The following SYBU variants were observed in gnomAD, a reference collection of about 807,000 sequenced individuals.
SYBU encodes the protein GOLSYN A protein.
Under a neutral mutation model 35.9 loss-of-function variants are expected in SYBU, and 21 were observed. The observed-to-expected ratio is 0.58, with a 90% CI of 0.41 to 0.84. SYBU has a LOEUF of 0.84. Ranked by LOEUF, SYBU falls within the 40% of genes least tolerant of loss-of-function variation. The pLI, the probability that SYBU is intolerant of heterozygous loss-of-function variation, is 0.00. For missense variants in SYBU, 768 were observed against 848.2 expected (o/e 0.91, Z 1.17); for synonymous variants, 319 against 324.3 (o/e 0.98, Z 0.18).
intron 2 of SYBU, among the ~76,000 whole-genome samples, chr8:109,621,046 A>T (rs2844250): frequency 0.16 from 24,829 of 152,160 alleles, 2,244 homozygotes; most frequent in East Asian, 0.4. Flanking sequence ...AGTTCCATAA[A>T]TCACTTCTTT....
intron 2 of SYBU, among the ~76,000 whole-genome samples, chr8:109,639,824 A>G (rs1184967544): frequency 6.6e-6 from 1 of 152,198 alleles, no homozygotes; most frequent in Non-Finnish European, 1.5e-5. Context: ...CACTGCCTCC[A>G]GCGTTAACAC....
chr8:109,666,514 G>A (rs115383156), intron 1 of SYBU, among the ~76,000 whole-genome samples: 2,448 of 152,296 alleles, frequency 0.016, 69 homozygotes, highest in African/African-American at 0.057. Flanking sequence ...GCCAAGGCGG[G>A]AGGATCACTT....
chr8:109,634,768 G>A (rs1374917499), intron 2 of SYBU, among the ~76,000 whole-genome samples: 2 of 152,114 alleles, frequency 1.3e-5, no homozygotes, highest in Non-Finnish European at 2.9e-5. Context: ...CACCTAACCT[G>A]GACATTGAAA....
chr8:109,664,381 C>T (rs991557322), intron 1 of SYBU, among the ~76,000 whole-genome samples: 18 of 152,110 alleles, frequency 1.2e-4, no homozygotes, highest in Admixed American at 1.3e-4. Flanking sequence ...ATAAATGGAA[C>T]AAAAACAACA....
At chr8:109,576,057 A>C (rs775150568) in intron 6 of SYBU, 44 bp from the exon 7 acceptor site, 18 of 1,497,452 alleles carry the variant, frequency 1.2e-5, no homozygotes, top group African/African-American at 4.3e-5. Context: ...AAAAAAAAAA[A>C]AAAAAAAAAA....
At chr8:109,587,682 G>GA (rs1823784223) in intron 3 of SYBU, among the ~76,000 whole-genome samples, 1 of 152,104 alleles carries the variant, frequency 6.6e-6, no homozygotes, top group African/African-American at 2.4e-5. Context: ...GCAGAGAGAA[G>GA]AAAAAATCCT....
chr8:109,613,089 C>T (rs976042271), intron 3 of SYBU, among the ~76,000 whole-genome samples: 1 of 152,070 alleles, frequency 6.6e-6, no homozygotes, highest in Non-Finnish European at 1.5e-5. Context: ...TTTATATTTT[C>T]CCATCTCTGT....
At chr8:109,606,437 G>A (rs1031845921) in intron 3 of SYBU, among the ~76,000 whole-genome samples, 4 of 152,144 alleles carry the variant, frequency 2.6e-5, no homozygotes, top group African/African-American at 9.7e-5. Flanking sequence ...TTAGAGAAAA[G>A]AGTCAGATAT....
chr8:109,629,226 C>A (rs2130496783), intron 2 of SYBU, among the ~76,000 whole-genome samples: 1 of 152,292 alleles, frequency 6.6e-6, no homozygotes, highest in East Asian at 1.9e-4. Context: ...CATGAGATAA[C>A]AAAAATTTAG....
chr8:109,620,677 CG>C (rs1812311383), intron 2 of SYBU, among the ~76,000 whole-genome samples: 1 of 152,092 alleles, frequency 6.6e-6, no homozygotes. Context: ...CTGCAGTCTT[CG>C]GGCTCTTTTA....
intron 1 of SYBU, among the ~76,000 whole-genome samples, chr8:109,687,419 T>C (rs1468420048): frequency 6.6e-6 from 1 of 152,104 alleles, no homozygotes; most frequent in Non-Finnish European, 1.5e-5. Context: ...CTCATACAAA[T>C]AGAATTATGG....
chr8:109,661,124 T>C lies in SYBU; in HGVS notation c.-129+19587A>G, dbSNP rs575905798. ...AGGCTGAATAGATTTTGGACAGAAG[T>C]GTGTGCACCATACAGTGTGTAAATA... On this transcript the variant is annotated intron_variant, in intron 1 of 5. Coordinates refer to the SYBU transcript ENST00000408889. Among the ~76,000 whole-genome samples, 14 of 152,322 alleles carry C rather than the reference T, an allele frequency of 9.2e-5. No individual in the cohort carries two copies. In the East Asian group the frequency reaches 2.7e-3, roughly 29 times the overall value.
chr8:109,577,828 AGTT>A (rs1409376437), intron 6 of SYBU, 37 bp downstream of exon 6: 2 of 1,527,820 alleles, frequency 1.3e-6, no homozygotes, highest in East Asian at 2.3e-5. Flanking sequence ...TGGAGAAAGA[AGTT>A]GTCCTACACC....
At chr8:109,576,065 A>AAAC in intron 6 of SYBU, 52 bp from the exon 7 acceptor site, 1 of 1,464,968 alleles carries the variant, frequency 6.8e-7, no homozygotes, top group Non-Finnish European at 9.0e-7. Flanking sequence ...AAAAAAAAAA[A>AAAC]AAAAACTTTC....
chr8:109,597,322 T>A (rs1216134356), intron 3 of SYBU, among the ~76,000 whole-genome samples: 1 of 152,148 alleles, frequency 6.6e-6, no homozygotes, highest in Non-Finnish European at 1.5e-5. Context: ...GCCCAGAACT[T>A]GTTCCTAATT....
intron 1 of SYBU, among the ~76,000 whole-genome samples, chr8:109,678,434 C>CTTTTTTTTTTTTTTT: frequency 1.7e-5 from 1 of 58,362 alleles, no homozygotes; most frequent in Non-Finnish European, 3.2e-5. Flanking sequence ...TTCAAATAAC[C>CTTTTTTTTTTTTTTT]TTTTTTTTTT....
intron 1 of SYBU, among the ~76,000 whole-genome samples, chr8:109,671,234 GT>G (rs71564051): frequency 4.6e-5 from 7 of 151,450 alleles, no homozygotes; most frequent in Non-Finnish European, 8.8e-5. Context: ...AGCATTTCCA[GT>G]TTTTTTTTCT....
chr8:109,586,348 A>C, intron 3 of SYBU, 186 bp from the exon 4 acceptor site: 1 of 575,686 alleles, frequency 1.7e-6, no homozygotes, highest in Non-Finnish European at 3.1e-6. Flanking sequence ...GTACAAGAAC[A>C]TCATTTCATA....
chr8:109,605,937 T>C (rs775457280), intron 3 of SYBU, among the ~76,000 whole-genome samples: 7 of 152,232 alleles, frequency 4.6e-5, no homozygotes, highest in Non-Finnish European at 1.0e-4. Flanking sequence ...AAGTTGTAAA[T>C]ATTAACTAGA....
Sources: gnomAD v4.1 joint callset for allele counts (sites outside exome capture counted in the v4.1 genomes callset) on GRCh38, gnomAD v4.1.1 for gene constraint, MANE v1.5 for transcripts, NCBI Gene and HGNC (gene_info 2026-07-23, HGNC 2026-07-21) for gene names.